Variants in TRIM26 observed in about 807,000 individuals in gnomAD.
The protein encoded by TRIM26 is tripartite motif containing 26, also known as tripartite motif-containing protein 26.
A neutral mutation model predicts 45.5 loss-of-function variants in TRIM26; 16 were observed. That is an observed-to-expected ratio of 0.35 (90% confidence interval 0.24 to 0.53). The LOEUF (loss-of-function observed/expected upper bound fraction) is 0.53. Ranked by LOEUF, TRIM26 falls within the 20% of genes least tolerant of loss-of-function variation. The pLI, the probability that TRIM26 is intolerant of heterozygous loss-of-function variation, is 0.92. For missense variants in TRIM26, 442 were observed against 691.1 expected, an observed-to-expected ratio of 0.64 and a Z score of 4.04; for synonymous variants, 273 against 290.4, an observed-to-expected ratio of 0.94 and a Z score of 0.61.
rs1341967910 is a variant in TRIM26, at chr6:30,186,586, A to AAG, written c.938-29_938-28insCT. On this transcript the variant is annotated intron_variant, in intron 9 of 9. Coordinates refer to ENST00000454678, the MANE Select transcript of TRIM26 (RefSeq NM_003449.5). This position sits in a 1 kb window ranked among gnomAD's most constrained non-coding sequence, Gnocchi z 7.4. ...GTGGGGACAAGGGAAAAAAAAAAAA[A>AAG]CAGCATCACTGTTTTGTTTTGTTTT... 1 of 1,492,994 alleles carries AAG rather than the reference A, an allele frequency of 6.7e-7. No homozygotes were observed. The highest frequency in any genetic ancestry group is 8.9e-7 in the Non-Finnish European group (1 of 1,125,110). 92.5% of individuals were successfully genotyped at this position (1,492,994 alleles called of 1,614,324 possible).
At chr6:30,197,930 TC>T (rs1267070193) in intron 5 of TRIM26, among the ~76,000 whole-genome samples, 1 of 152,152 alleles carries the variant, frequency 6.6e-6, no homozygotes, top group African/African-American at 2.4e-5. Flanking sequence ...GCAACCATGA[TC>T]CTGGGCCTGG....
At chr6:30,205,566 G>A (rs980048223) in intron 1 of TRIM26, among the ~76,000 whole-genome samples, 16 of 152,226 alleles carry the variant, frequency 1.1e-4, no homozygotes, top group Non-Finnish European at 1.5e-4. Context: ...AGCCGGGCAC[G>A]GGGGCTTGTG....
chr6:30,196,398 C>G lies in TRIM26; in HGVS notation c.765+118G>C. 1.1e-6 allele frequency: 1 copy of G among 948,634 alleles called. No homozygotes were observed. Among genetic ancestry groups the G allele is most frequent in the Non-Finnish European group, 1.6e-6 (1 of 633,128 alleles). 58.8% of individuals were successfully genotyped at this position (948,634 alleles called of 1,614,324 possible). A position where few individuals can be genotyped will look rare whatever the true frequency, so the allele number is the denominator to read the frequency against. ...AATTGGCAGCAGTAAGGATTATCAT[C>G]TCCATGTTTCAGATGACAAAACTGA... On this transcript the variant is annotated intron_variant, in intron 6 of 9. Transcript: ENST00000454678. This position sits in a 1 kb window ranked among gnomAD's most constrained non-coding sequence, Gnocchi z 4.9.
At position 30,188,303 on chromosome 6, in the gene TRIM26, T is replaced by C. The variant is rs1236391594; in HGVS notation, c.937+864A>G. 7.4e-6 allele frequency: 4 copies of C among 537,310 alleles called. No homozygotes were observed. The African/African-American group carries it at 7.9e-5, about 11-fold the overall frequency. The allele number at this position is 537,310 out of a possible 1,614,324, so 33.3% of individuals were successfully genotyped here. A position where few individuals can be genotyped will look rare whatever the true frequency, so the allele number is the denominator to read the frequency against. ...AGTTCTTGCAAAGCATCATCTGTTG[T>C]AACACAAGCATTCAGGGTCTCTGTA... On this transcript the variant is annotated intron_variant, in intron 9 of 9. Coordinates refer to ENST00000454678, the MANE Select transcript of TRIM26 (RefSeq NM_003449.5).
Position 30,189,213 on chromosome 6 carries a change from A to C in TRIM26, c.905-14T>G, listed in dbSNP as rs750620448. 2.5e-6 allele frequency: 4 copies of C among 1,613,044 alleles called. No individual in the cohort carries two copies. In the South Asian group the frequency reaches 3.3e-5, roughly 13 times the overall value. On this transcript the variant is annotated splice_polypyrimidine_tract_variant and intron_variant, in intron 8 of 9. Coordinates refer to ENST00000454678, the MANE Select transcript of TRIM26 (RefSeq NM_003449.5). The surrounding 1 kb of genome is among the most constrained non-coding windows in gnomAD (Gnocchi z 5.0). The stretch of plus-strand genomic sequence containing the variant: ...TCAGCAGCTTCCCTGGGGAGAAAAA[A>C]GGACAGCAATGACTCAAGTCCCGAA...
intron 2 of TRIM26, among the ~76,000 whole-genome samples, chr6:30,202,300 CAGA>C (rs1777266593): frequency 6.6e-6 from 1 of 152,216 alleles, no homozygotes; most frequent in South Asian, 2.1e-4. Flanking sequence ...CTGGGGATTA[CAGA>C]AGAATAACCT....
chr6:30,206,484 C>T (rs1411836298), intron 1 of TRIM26, among the ~76,000 whole-genome samples: 4 of 152,200 alleles, frequency 2.6e-5, no homozygotes, highest in Admixed American at 2.6e-4. Flanking sequence ...TGAGACAAGG[C>T]GTTAAATTGC....
intron 3 of TRIM26, among the ~76,000 whole-genome samples, chr6:30,200,062 G>A (rs898239497): frequency 6.6e-6 from 1 of 152,074 alleles, no homozygotes; most frequent in Non-Finnish European, 1.5e-5. Context: ...CTTGAACCGA[G>A]GAGTTTGAAA....
intron 2 of TRIM26, among the ~76,000 whole-genome samples, chr6:30,202,923 G>A (rs1219161964): frequency 1.3e-5 from 2 of 151,778 alleles, no homozygotes; most frequent in South Asian, 2.1e-4. Context: ...AATGCAATAC[G>A]TGAACCTTGA....
chr6:30,195,337 G>A (rs1298997727), intron 6 of TRIM26, among the ~76,000 whole-genome samples: 1 of 152,150 alleles, frequency 6.6e-6, no homozygotes, highest in Non-Finnish European at 1.5e-5. Context: ...AAATCTGAGA[G>A]AACAGAATGA....
At position 30,198,346 on chromosome 6, in the gene TRIM26, C is replaced by T; in HGVS notation, c.534+83G>A. 6.7e-7 allele frequency: 1 copy of T among 1,500,474 alleles called. No homozygotes were observed. The highest frequency in any genetic ancestry group is 9.2e-7 in the Non-Finnish European group (1 of 1,083,846). 92.9% of individuals were successfully genotyped at this position (1,500,474 alleles called of 1,614,324 possible). A position where few individuals can be genotyped will look rare whatever the true frequency, so the allele number is the denominator to read the frequency against. Reference sequence around the variant, plus strand: ...CTGTGAGCAGCGCCTAGAAACACCTCCCAGCTGCCGCCTACTTGCCCAGGC... The same window carrying T: ...CTGTGAGCAGCGCCTAGAAACACCTTCCAGCTGCCGCCTACTTGCCCAGGC... On this transcript the variant is annotated intron_variant, in intron 5 of 9. Coordinates refer to ENST00000454678, the MANE Select transcript of TRIM26 (RefSeq NM_003449.5). This position sits in a 1 kb window ranked among gnomAD's most constrained non-coding sequence, Gnocchi z 6.3.
chr6:30,188,651 G>C (rs1037408786), intron 9 of TRIM26: 2 of 219,962 alleles, frequency 9.1e-6, no homozygotes, highest in Non-Finnish European at 1.9e-5. Flanking sequence ...AAGCAAGTGT[G>C]AAAGTGAGCC....
At position 30,210,293 on chromosome 6, in the gene TRIM26, C is replaced by T. The variant is rs558338805; in HGVS notation, c.-376+3012G>A. Among the ~76,000 whole-genome samples, 204 of 152,170 alleles carry T rather than the reference C, an allele frequency of 1.3e-3. 2 individuals are homozygous for T. The highest frequency in any genetic ancestry group is 3.0e-3 in the African/African-American group (126 of 41,512). ...ACCCATCCAGCCCCAAATCCCTCCT[C>T]GTCCTACCTAATTCTCTGGCCATTA... On this transcript the variant is annotated intron_variant, in intron 1 of 9. Coordinates refer to ENST00000454678, the MANE Select transcript of TRIM26 (RefSeq NM_003449.5).
At chr6:30,199,827 G>A (rs1025843183) in intron 3 of TRIM26, among the ~76,000 whole-genome samples, 6 of 151,976 alleles carry the variant, frequency 3.9e-5, no homozygotes, top group Non-Finnish European at 5.9e-5. Context: ...TAGTAGAGAC[G>A]GGGTTTCACC....
At chr6:30,195,402 A>G (rs1021944594) in intron 6 of TRIM26, among the ~76,000 whole-genome samples, 21 of 152,088 alleles carry the variant, frequency 1.4e-4, no homozygotes, top group African/African-American at 5.1e-4. Flanking sequence ...TAAGAACAAG[A>G]GCTCAGAGCC....
chr6:30,211,953 G>A (rs1311582484), intron 1 of TRIM26, among the ~76,000 whole-genome samples: 1 of 152,180 alleles, frequency 6.6e-6, no homozygotes, highest in Non-Finnish European at 1.5e-5. Flanking sequence ...GGCTCCCTAG[G>A]TATGGGCTGC....
rs1217862700 is a variant in TRIM26, at chr6:30,207,628, C to A, written c.-375-2863G>T. ...AAGTCAAAACTCCTGTCCTTCCTTT[C>A]TTCTGTGAGGAGGCTGTCCCAGGAG... On this transcript the variant is annotated intron_variant, in intron 1 of 9. Coordinates refer to ENST00000454678, the MANE Select transcript of TRIM26 (RefSeq NM_003449.5). This position sits in a 1 kb window ranked among gnomAD's most constrained non-coding sequence, Gnocchi z 4.9. 6.6e-6 allele frequency among the ~76,000 whole-genome samples: 1 copy of A among 152,114 alleles called. No homozygotes were observed. Among genetic ancestry groups the A allele is most frequent in the African/African-American group, 2.4e-5 (1 of 41,410 alleles).
chr6:30,192,511 G>A (rs185725394), intron 6 of TRIM26, among the ~76,000 whole-genome samples: 135 of 152,052 alleles, frequency 8.9e-4, no homozygotes, highest in Admixed American at 4.4e-3. Context: ...TACACATTTT[G>A]TCCTGCTGCT....
At chr6:30,206,367 T>G (rs2127530654) in intron 1 of TRIM26, among the ~76,000 whole-genome samples, 1 of 152,322 alleles carries the variant, frequency 6.6e-6, no homozygotes, top group Non-Finnish European at 1.5e-5. Flanking sequence ...GCATCAGTGG[T>G]GCTCTGAAGC....
Sources: gnomAD v4.1 joint callset for allele counts (sites outside exome capture counted in the v4.1 genomes callset) on GRCh38, gnomAD v4.1.1 for gene constraint, Gnocchi (gnomAD v3.1) non-coding constraint, MANE v1.5 for transcripts, NCBI Gene and HGNC (gene_info 2026-07-23, HGNC 2026-07-21) for gene names.